Variants in RAPGEF6 observed in about 807,000 individuals in gnomAD.
The protein encoded by RAPGEF6 is Rap guanine nucleotide exchange factor 6.
A neutral mutation model predicts 171.4 loss-of-function variants in RAPGEF6; 56 were observed. The ratio of observed to expected loss-of-function variants is 0.33; its 90% CI spans 0.26 to 0.41. RAPGEF6 has a LOEUF of 0.41. Ranked by LOEUF, RAPGEF6 falls within the 10% of genes least tolerant of loss-of-function variation. The pLI, the probability that RAPGEF6 is intolerant of heterozygous loss-of-function variation, is 1.00. For missense variants in RAPGEF6, 1,674 were observed against 1,921.4 expected (o/e 0.87, Z 2.41); for synonymous variants, 692 against 650.1 (o/e 1.06, Z -0.98).
chr5:131,521,442 C>G lies in RAPGEF6; in HGVS notation c.575G>C (p.Gly192Ala), dbSNP rs1303972919. 13 of 1,612,364 alleles carry G rather than the reference C, an allele frequency of 8.1e-6. No homozygotes were observed. Among genetic ancestry groups the G allele is most frequent in the Non-Finnish European group, 1.1e-5 (13 of 1,179,068 alleles). ...TCCAGAGTCACTGGCAATGCTACAA[C>G]CAGACTGACTAGAAGACACATGAGT... ...QVTHVSSSQSGCSIASDSGSS... is the reference protein window; with the variant it reads ...QVTHVSSSQSACSIASDSGSS... Residue 192 changes from glycine to alanine, a missense_variant, in exon 7 of 28, where the codon GGT (glycine) becomes GCT (alanine). This residue lies in a region of RAPGEF6 where 1,116 missense variants were observed against 1,321.5 expected (regional missense o/e 0.84). Coordinates refer to ENST00000509018, the MANE Select transcript of RAPGEF6 (RefSeq NM_016340.6).
At chr5:131,526,618 A>G (rs1758883051) in intron 6 of RAPGEF6, among the ~76,000 whole-genome samples, 2 of 152,138 alleles carry the variant, frequency 1.3e-5, no homozygotes, top group Non-Finnish European at 2.9e-5. Flanking sequence ...TTGGTTCCCT[A>G]AATCTTCTCC....
chr5:131,487,165 C>T (rs1468971900), intron 15 of RAPGEF6, among the ~76,000 whole-genome samples: 1 of 152,054 alleles, frequency 6.6e-6, no homozygotes, highest in South Asian at 2.1e-4. Flanking sequence ...TCCGGAGTTT[C>T]TTCCTTCCGG....
chr5:131,438,096 C>T (rs951678662), intron 24 of RAPGEF6, among the ~76,000 whole-genome samples: 2 of 152,186 alleles, frequency 1.3e-5, no homozygotes, highest in Non-Finnish European at 1.5e-5. Flanking sequence ...TCAAGTGATT[C>T]TCCTGCCTCG....
chr5:131,438,237 G>C (rs1752147857), intron 24 of RAPGEF6, among the ~76,000 whole-genome samples: 1 of 152,154 alleles, frequency 6.6e-6, no homozygotes, highest in Non-Finnish European at 1.5e-5. Flanking sequence ...CGATCCGCCT[G>C]CTTTGGCCTA....
chr5:131,615,827 G>A (rs528773033), intron 1 of RAPGEF6, among the ~76,000 whole-genome samples: 8 of 151,940 alleles, frequency 5.3e-5, no homozygotes, highest in African/African-American at 1.2e-4. Context: ...GCTTGAACCC[G>A]GGCACGGAGG....
chr5:131,527,982 TC>T lies in RAPGEF6; in HGVS notation c.496-6462del, dbSNP rs1170347297. On this transcript the variant is annotated intron_variant, in intron 6 of 27. Coordinates refer to ENST00000509018, the MANE Select transcript of RAPGEF6 (RefSeq NM_016340.6). ...GTGAGCCGAAACTGCGCCACTGCAC[TC>T]CAGCCTGGGGGACAGAGTGAGACTC... is the stretch of plus-strand genomic sequence containing the variant. 2.0e-5 allele frequency among the ~76,000 whole-genome samples: 3 copies of T among 147,958 alleles called. No individual in the cohort carries two copies. In the East Asian group the frequency reaches 5.9e-4, roughly 29 times the overall value.
intron 1 of RAPGEF6, among the ~76,000 whole-genome samples, chr5:131,630,941 C>T (rs866660763): frequency 1.3e-5 from 2 of 152,130 alleles, no homozygotes; most frequent in Non-Finnish European, 2.9e-5. Flanking sequence ...AATTTTATCC[C>T]CTTCTATTTT....
chr5:131,531,788 GAAGC>G (rs1180360652), intron 6 of RAPGEF6, among the ~76,000 whole-genome samples: 1 of 152,064 alleles, frequency 6.6e-6, no homozygotes, highest in Non-Finnish European at 1.5e-5. Flanking sequence ...TTAAGAAAAT[GAAGC>G]AAGTTAGAGT....
chr5:131,512,950 T>C (rs1447610895), intron 7 of RAPGEF6, among the ~76,000 whole-genome samples: 1 of 152,090 alleles, frequency 6.6e-6, no homozygotes, highest in East Asian at 1.9e-4. Context: ...TAGTGAGAAA[T>C]AAATTTCTGG....
chr5:131,577,924 A>C (rs1762702273), intron 4 of RAPGEF6, among the ~76,000 whole-genome samples: 1 of 152,170 alleles, frequency 6.6e-6, no homozygotes, highest in South Asian at 2.1e-4. Context: ...GGCTTTACGC[A>C]GTCACCCCCA....
intron 3 of RAPGEF6, among the ~76,000 whole-genome samples, chr5:131,599,694 G>C (rs1764113003): frequency 6.6e-6 from 1 of 152,176 alleles, no homozygotes; most frequent in Non-Finnish European, 1.5e-5. Context: ...TAGAAAATTT[G>C]TATCCATTAC....
At position 131,592,308 on chromosome 5, in the gene RAPGEF6, CTG is replaced by C. The variant is rs1491048592; in HGVS notation, c.281+73_281+74del. 4.9e-3 allele frequency: 7,569 copies of C among 1,554,610 alleles called. 34 individuals are homozygous for C. The highest frequency in any genetic ancestry group is 5.1e-3 in the Non-Finnish European group (5,825 of 1,151,084). ...AGACATTTAAAAGATGTATCACTTA[CTG>C]AAAGAAAATATACATCCTATACAAA... On this transcript the variant is annotated intron_variant, in intron 4 of 27. Transcript: ENST00000509018.
At chr5:131,439,496 T>G in intron 24 of RAPGEF6, 85 bp downstream of exon 24, 1 of 1,468,278 alleles carries the variant, frequency 6.8e-7, no homozygotes, top group Non-Finnish European at 9.0e-7. Context: ...TGATTTATAA[T>G]TATTGCTATA....
chr5:131,431,239 C>A lies in RAPGEF6; in HGVS notation c.4085G>T (p.Arg1362Leu), dbSNP rs779290987. Residue 1362 changes from arginine (R) to leucine (L), a missense_variant, in exon 26 of 28, where the codon CGT becomes CTT. This residue lies in a region of RAPGEF6 where 552 missense variants were observed against 574.2 expected (regional missense o/e 0.96). Transcript: ENST00000509018. Reference protein sequence around the residue: ...HIIIEAADSGRGSWTSCSSSS... With the variant: ...HIIIEAADSGLGSWTSCSSSS... ...GCTTGAACACGAAGTCCAACTTCCA[C>A]GACCACTGTCAGCTGCTTCTATAAT... The A allele has an allele frequency of 6.2e-7, 1 of 1,614,200 alleles. No individual in the cohort carries two copies. The highest frequency in any genetic ancestry group is 2.2e-5 in the East Asian group (1 of 44,886).
At chr5:131,570,341 A>C (rs932828102) in intron 4 of RAPGEF6, among the ~76,000 whole-genome samples, 4 of 152,216 alleles carry the variant, frequency 2.6e-5, no homozygotes, top group African/African-American at 7.2e-5. Flanking sequence ...AAGACTGTCA[A>C]TACCAAGTGG....
chr5:131,546,564 A>G (rs902896737), intron 6 of RAPGEF6, among the ~76,000 whole-genome samples: 2 of 152,026 alleles, frequency 1.3e-5, no homozygotes, highest in African/African-American at 2.4e-5. Context: ...AGATCGTGCC[A>G]CTGCACTCCA....
chr5:131,553,419 C>CAA (rs1761040413), intron 5 of RAPGEF6, among the ~76,000 whole-genome samples: 1 of 151,796 alleles, frequency 6.6e-6, no homozygotes, highest in Non-Finnish European at 1.5e-5. Context: ...AAAGGTAAAA[C>CAA]AAAACAAAAA....
intron 19 of RAPGEF6, 45 bp downstream of exon 19, chr5:131,461,660 A>C (rs900242141): frequency 2.0e-6 from 3 of 1,510,806 alleles, no homozygotes; most frequent in Non-Finnish European, 2.7e-6. Context: ...GCTGCATGTA[A>C]TGACAAAACC....
chr5:131,444,234 T>G (rs1196021094), intron 22 of RAPGEF6, among the ~76,000 whole-genome samples: 4 of 152,176 alleles, frequency 2.6e-5, no homozygotes, highest in African/African-American at 7.2e-5. Context: ...AGAGAATGTC[T>G]TAGAAAGTTC....
Sources: gnomAD v4.1 joint callset for allele counts (sites outside exome capture counted in the v4.1 genomes callset) on GRCh38, gnomAD v4.1.1 for gene constraint, gnomAD v4.1.1 regional missense constraint, MANE v1.5 for transcripts, NCBI Gene and HGNC (gene_info 2026-07-23, HGNC 2026-07-21) for gene names.